Variants in PTPRO observed in about 807,000 individuals in gnomAD.
PTPRO encodes receptor-type tyrosine-protein phosphatase O.
Under a neutral mutation model 145.2 loss-of-function variants are expected in PTPRO, and 62 were observed. That is an observed-to-expected ratio of 0.43 (90% CI 0.35 to 0.53). PTPRO has a LOEUF of 0.53. PTPRO is among the 20% of genes least tolerant of loss of function. The pLI is 0.01. For missense variants in PTPRO, 1,345 were observed against 1,482.7 expected, an observed-to-expected ratio of 0.91 and a Z score of 1.53; for synonymous variants, 565 against 514.7, an observed-to-expected ratio of 1.10 and a Z score of -1.32.
At chr12:15,414,971 G>T (rs565431159) in intron 1 of PTPRO, among the ~76,000 whole-genome samples, 3 of 152,106 alleles carry the variant, frequency 2.0e-5, no homozygotes, top group Admixed American at 1.3e-4. Flanking sequence ...GAACAATACC[G>T]TCTATGAACC....
intron 1 of PTPRO, among the ~76,000 whole-genome samples, chr12:15,325,838 T>C (rs1414323830): frequency 1.3e-5 from 2 of 152,212 alleles, no homozygotes; most frequent in Non-Finnish European, 2.9e-5. Context: ...CCCTGAAATG[T>C]TGCTTTTTAG....
At chr12:15,473,768 C>CAAAAAAAAAAAAAAAAAAAA (rs11340085) in intron 1 of PTPRO, among the ~76,000 whole-genome samples, 6 of 65,570 alleles carry the variant, frequency 9.2e-5, no homozygotes, top group South Asian at 6.9e-4. Flanking sequence ...GACTCCATCT[C>CAAAAAAAAAAAAAAAAAAAA]AAAAAAAAAA....
intron 1 of PTPRO, among the ~76,000 whole-genome samples, chr12:15,391,141 G>A (rs1031491973): frequency 2.0e-5 from 3 of 152,176 alleles, no homozygotes; most frequent in African/African-American, 4.8e-5. Flanking sequence ...AAGGAACTGT[G>A]GGAGGATGTA....
At chr12:15,534,904 G>T (rs1249690138) in intron 12 of PTPRO, among the ~76,000 whole-genome samples, 2 of 152,212 alleles carry the variant, frequency 1.3e-5, no homozygotes, top group Non-Finnish European at 2.9e-5. Flanking sequence ...ATTCAAAGAA[G>T]TTGCAAGAGA....
chr12:15,580,920 A>T (rs1944297873), intron 22 of PTPRO, 89 bp downstream of exon 22: 1 of 1,524,022 alleles, frequency 6.6e-7, no homozygotes, highest in African/African-American at 1.4e-5. Flanking sequence ...TTCAAAGTCA[A>T]ATAAAACATA....
intron 12 of PTPRO, among the ~76,000 whole-genome samples, chr12:15,542,627 A>G (rs1943203260): frequency 6.6e-6 from 1 of 152,222 alleles, no homozygotes; most frequent in South Asian, 2.1e-4. Context: ...ATAACTTTCA[A>G]TTTTCTAGTA....
Position 15,551,558 on chromosome 12 carries a change from G to A in PTPRO, c.2445G>A (p.Glu815=). 1.9e-6 allele frequency: 3 copies of A among 1,613,502 alleles called. No homozygotes were observed. The highest frequency in any genetic ancestry group is 2.5e-6 in the Non-Finnish European group (3 of 1,179,814). The change falls in exon 15 of 27, where the codon GAG becomes GAA. Residue 815 remains glutamate, a synonymous_variant. Transcript: ENST00000281171. ...CACAACTTATCTCTTTAGTTACAGAGATGAATCCCAATGTGGTAGTGATCT... is the reference window on the plus strand; with the variant it reads ...CACAACTTATCTCTTTAGTTACAGAAATGAATCCCAATGTGGTAGTGATCT... ...TFIAVSTMVT[E]MNPNVVVISV... is the part of the protein sequence containing the mutation.
intron 23 of PTPRO, among the ~76,000 whole-genome samples, chr12:15,582,937 T>C (rs1367479356): frequency 2.0e-5 from 3 of 152,204 alleles, no homozygotes; most frequent in South Asian, 2.1e-4. Context: ...TTAACATCAA[T>C]TGAAGTCATG....
intron 1 of PTPRO, among the ~76,000 whole-genome samples, chr12:15,461,935 A>G (rs1043982786): frequency 6.6e-6 from 1 of 152,030 alleles, no homozygotes; most frequent in African/African-American, 2.4e-5. Context: ...TTCAACTAGT[A>G]TTCCTTTGTT....
At chr12:15,362,404 G>C (rs547158155) in intron 1 of PTPRO, among the ~76,000 whole-genome samples, 2 of 152,138 alleles carry the variant, frequency 1.3e-5, no homozygotes, top group Non-Finnish European at 2.9e-5. Flanking sequence ...TATTTGCTTT[G>C]ATTTTCAGAA....
chr12:15,379,853 G>C (rs115237013), intron 1 of PTPRO, among the ~76,000 whole-genome samples: 3,289 of 152,264 alleles, frequency 0.022, 126 homozygotes, highest in African/African-American at 0.075. Flanking sequence ...TTAGGTTGTA[G>C]TGGTGGTTGC....
rs61754412 is a variant in PTPRO, at chr12:15,578,864, G to A, written c.2841G>A (p.Leu947=). The A allele has an allele frequency of 9.1e-3, 14,456 of 1,596,612 alleles. 110 individuals carry two copies. Among genetic ancestry groups the A allele is most frequent in the South Asian group, 0.014 (1,231 of 90,718 alleles). Residue 947 remains leucine, a synonymous_variant, in exon 20 of 27, where the codon TTG becomes TTA. Coordinates refer to ENST00000281171, the MANE Select transcript of PTPRO (RefSeq NM_030667.3). ...KFSLQFEELK[L]IGLDIPHFAA... is the part of the protein sequence containing the mutation. ...TCTGTCCTTTACAGGAGTTGAAATT[G>A]ATTGGACTGGATATCCCACACTTTG...
At position 15,589,489 on chromosome 12, in the gene PTPRO, C is replaced by T. The variant is rs773274755; in HGVS notation, c.3445C>T (p.Leu1149=). 1.2e-6 allele frequency: 2 copies of T among 1,614,020 alleles called. No individual in the cohort carries two copies. Among genetic ancestry groups the T allele is most frequent in the African/African-American group, 2.7e-5 (2 of 74,924 alleles). ...GVGRTGTFIA[L]DRLLQHIRDH... ...GGGACGGACAGGAACATTCATTGCC[C>T]TGGACAGGCTCTTGCAGCACATTCG... Residue 1149 remains leucine (L), a synonymous_variant, in exon 25 of 27, where the codon CTG becomes TTG. Transcript: ENST00000281171.
intron 9 of PTPRO, among the ~76,000 whole-genome samples, chr12:15,517,309 A>C (rs926084812): frequency 5.9e-5 from 9 of 152,114 alleles, no homozygotes; most frequent in Non-Finnish European, 1.2e-4. Context: ...ATTCACTATC[A>C]CAAGAACGGC....
At chr12:15,433,384 C>A (rs555240468) in intron 1 of PTPRO, among the ~76,000 whole-genome samples, 1 of 152,026 alleles carries the variant, frequency 6.6e-6, no homozygotes, top group Non-Finnish European at 1.5e-5. Context: ...AGGGTTTCAC[C>A]GTGTTAGCCA....
intron 1 of PTPRO, among the ~76,000 whole-genome samples, chr12:15,447,673 C>T (rs1349002024): frequency 1.3e-5 from 2 of 152,162 alleles, no homozygotes; most frequent in Admixed American, 6.5e-5. Flanking sequence ...CAATCCTATG[C>T]CCCATAGCTA....
At position 15,594,845 on chromosome 12, in the gene PTPRO, C is replaced by A; in HGVS notation, c.3547-92C>A. The A allele has an allele frequency of 3.4e-6, 3 of 892,050 alleles. No individual in the cohort carries two copies. In the South Asian group the frequency reaches 4.2e-5, roughly 13 times the overall value. The allele number at this position is 892,050 out of a possible 1,614,324, so 55.3% of individuals were successfully genotyped here. On this transcript the variant is annotated intron_variant, in intron 25 of 26. Coordinates refer to ENST00000281171, the MANE Select transcript of PTPRO (RefSeq NM_030667.3). ...AAATAATGAAAATGGTTTCCTTTAA[C>A]ACCAGATCTTGATCATTAAAATTGT...
intron 24 of PTPRO, 126 bp downstream of exon 24, chr12:15,587,177 CTA>C: frequency 9.3e-7 from 1 of 1,078,146 alleles, no homozygotes; most frequent in South Asian, 1.4e-5. Flanking sequence ...GTTTTTTAAA[CTA>C]TGATTAATTG....
intron 1 of PTPRO, among the ~76,000 whole-genome samples, chr12:15,399,651 A>T (rs747001892): frequency 1.4e-4 from 21 of 152,134 alleles, no homozygotes; most frequent in Non-Finnish European, 2.8e-4. Context: ...CTTATTTTTC[A>T]TATCTTGTGT....
Sources: gnomAD v4.1 joint callset for allele counts (sites outside exome capture counted in the v4.1 genomes callset) on GRCh38, gnomAD v4.1.1 for gene constraint, MANE v1.5 for transcripts, NCBI Gene and HGNC (gene_info 2026-07-23, HGNC 2026-07-21) for gene names.